Variants in TMC5 observed in about 807,000 individuals in gnomAD.
TMC5 encodes the protein transmembrane channel like 5, also known as transmembrane channel-like protein 5.
In TMC5, 86 loss-of-function variants were observed where a neutral mutation model predicts 110.5. That is an observed-to-expected ratio of 0.78 (90% CI 0.65 to 0.93). The LOEUF is 0.93. Ranked by LOEUF, TMC5 falls within the 40% of genes least tolerant of loss-of-function variation. The probability of loss-of-function intolerance (pLI) is 0.00; values close to 1 mark genes in which losing one functional copy is unlikely to be tolerated. For missense variants in TMC5, 1,144 were observed against 1,222.8 expected (o/e 0.94, Z 0.96); for synonymous variants, 455 against 439.5 (o/e 1.04, Z -0.44).
intron 2 of TMC5, among the ~76,000 whole-genome samples, chr16:19,433,049 TATAC>T (rs756603781): frequency 6.6e-6 from 1 of 152,192 alleles, no homozygotes; most frequent in African/African-American, 2.4e-5. Flanking sequence ...TATGAAGTTA[TATAC>T]ATACATACAT....
rs565205847 is a variant in TMC5 at position 19,459,748 on chromosome 16, C to T, written c.1049-487C>T. 3.3e-5 allele frequency among the ~76,000 whole-genome samples: 5 copies of T among 151,530 alleles called. No individual in the cohort carries two copies. The South Asian group carries it at 1.0e-3, about 32-fold the overall frequency. On this transcript the variant is annotated intron_variant, in intron 5 of 21. Transcript: ENST00000542583. ...CCTGGGCAATGTAGTGAGACCTCAG[C>T]TTTACAAAAAAATAAAAAAATTAGC...
intron 12 of TMC5, among the ~76,000 whole-genome samples, chr16:19,475,309 C>T (rs752852133): frequency 5.9e-5 from 9 of 151,998 alleles, no homozygotes; most frequent in Non-Finnish European, 1.3e-4. Flanking sequence ...GTAATCCCAG[C>T]TACTTGAGAG....
At chr16:19,434,020 ATATAAATC>A (rs1967250840) in intron 2 of TMC5, among the ~76,000 whole-genome samples, 1 of 6,220 alleles carries the variant, frequency 1.6e-4, no homozygotes, top group Non-Finnish European at 3.7e-4. Flanking sequence ...TATAATATAT[ATATAAATC>A]TATATATTAT....
intron 21 of TMC5, 141 bp from the exon 22 acceptor site, chr16:19,497,779 A>G (rs1183303119): frequency 2.9e-6 from 2 of 692,926 alleles, no homozygotes; most frequent in Non-Finnish European, 4.9e-6. Flanking sequence ...TGGGAGTTCA[A>G]GGGAAGGATT....
intron 4 of TMC5, among the ~76,000 whole-genome samples, chr16:19,446,099 T>A (rs879457789): frequency 4.6e-4 from 9 of 19,720 alleles, no homozygotes; most frequent in African/African-American, 7.4e-4. Flanking sequence ...TGGGGGGAGG[T>A]GGAGGGGGAG....
intron 5 of TMC5, among the ~76,000 whole-genome samples, chr16:19,459,128 G>A (rs113125745): frequency 0.012 from 1,778 of 151,538 alleles, 39 homozygotes; most frequent in African/African-American, 0.04. Flanking sequence ...CTAATGCTGT[G>A]TCACATGCCT....
chr16:19,497,879 A>T (rs1219100624), intron 21 of TMC5, 41 bp from the exon 22 acceptor site: 2 of 1,601,280 alleles, frequency 1.2e-6, no homozygotes, highest in Non-Finnish European at 1.7e-6. Flanking sequence ...GATGGGGCAG[A>T]GTGTGCCTGC....
At chr16:19,461,575 GA>G (rs137926972) in intron 6 of TMC5, among the ~76,000 whole-genome samples, 2 of 149,502 alleles carry the variant, frequency 1.3e-5, no homozygotes, top group African/African-American at 2.5e-5. Flanking sequence ...CTCTGTATCG[GA>G]AAAAAAAATA....
intron 5 of TMC5, among the ~76,000 whole-genome samples, chr16:19,458,926 C>T (rs571689752): frequency 2.6e-5 from 4 of 152,296 alleles, no homozygotes; most frequent in South Asian, 2.1e-4. Flanking sequence ...ACCCTCGGCA[C>T]GGTATCGCTG....
chr16:19,444,697 CT>C (rs1967573050), intron 4 of TMC5, among the ~76,000 whole-genome samples: 2 of 152,296 alleles, frequency 1.3e-5, no homozygotes, highest in Admixed American at 1.3e-4. Context: ...CAGTGGCCAC[CT>C]GTAGTTTAGC....
intron 3 of TMC5, among the ~76,000 whole-genome samples, chr16:19,441,528 C>T (rs904622377): frequency 1.3e-5 from 2 of 151,780 alleles, no homozygotes; most frequent in African/African-American, 4.8e-5. Flanking sequence ...GCCATGTTGC[C>T]CAGGCTAGTC....
At chr16:19,472,311 G>A (rs1312413511) in intron 11 of TMC5, 68 bp downstream of exon 11, 7 of 1,568,602 alleles carry the variant, frequency 4.5e-6, no homozygotes, top group Admixed American at 3.4e-5. Flanking sequence ...GGGGAAGGGT[G>A]GTGTGCAGCC....
intron 5 of TMC5, chr16:19,457,038 G>T: frequency 6.3e-7 from 1 of 1,576,006 alleles, no homozygotes; most frequent in South Asian, 1.1e-5. Flanking sequence ...CTGGGGAAGA[G>T]AAGTAGGGGA....
intron 15 of TMC5, among the ~76,000 whole-genome samples, chr16:19,481,985 A>G (rs1050315603): frequency 4.6e-5 from 7 of 152,216 alleles, no homozygotes; most frequent in African/African-American, 1.7e-4. Context: ...CTCACCAGAC[A>G]CTGAATCTAC....
chr16:19,427,157 A>C (rs1258956994), intron 1 of TMC5, among the ~76,000 whole-genome samples: 1 of 152,170 alleles, frequency 6.6e-6, no homozygotes, highest in Non-Finnish European at 1.5e-5. Context: ...ATAATGTTTT[A>C]AATGTTGGAG....
chr16:19,484,153 G>A (rs1177544334), intron 15 of TMC5, among the ~76,000 whole-genome samples: 3 of 151,744 alleles, frequency 2.0e-5, no homozygotes, highest in Admixed American at 6.6e-5. Context: ...AAATGAAAAC[G>A]CTTTGCAAAC....
In TMC5 at chr16:19,495,011, C is replaced by CTTTTTTTTTTTTTTT. The variant is rs56178955; in HGVS notation, c.2931+652_2931+666dup. On this transcript the variant is annotated intron_variant, in intron 20 of 21. Coordinates refer to ENST00000542583, the MANE Select transcript of TMC5 (RefSeq NM_001261841.2). Reference sequence around the variant, plus strand: ...CACTATGAATACTTCAGTGTCTATTCTTTTTTTTTTTTTTTTTTTTTGAGA... The same window carrying CTTTTTTTTTTTTTTT: ...CACTATGAATACTTCAGTGTCTATTCTTTTTTTTTTTTTTTTTTTTTTTTTTTTTTTTTTTTGAGA... 1.7e-4 allele frequency among the ~76,000 whole-genome samples: 7 copies of CTTTTTTTTTTTTTTT among 40,486 alleles called. 1 individual carries two copies. The highest frequency in any genetic ancestry group is 6.5e-4 in the African/African-American group (7 of 10,742). The allele number at this position is 40,486 out of a possible 152,430, so 26.6% of individuals were successfully genotyped here.
chr16:19,473,345 C>CAAAAAAAAAAAA lies in TMC5; in HGVS notation c.1939-755_1939-744dup, dbSNP rs35872301. ...TGGGCAACAGAGCGAGACTCCGGCT[C>CAAAAAAAAAAAA]AAAAAAAAAAAAAAAAAAAAAAAAA... On this transcript the variant is annotated intron_variant, in intron 11 of 21. Coordinates refer to ENST00000542583, the MANE Select transcript of TMC5 (RefSeq NM_001261841.2). Among the ~76,000 whole-genome samples the CAAAAAAAAAAAA allele has an allele frequency of 7.4e-4, 15 of 20,236 alleles. 5 individuals carry two copies. The highest frequency in any genetic ancestry group is 9.0e-4 in the African/African-American group (9 of 10,044). 13.3% of individuals were successfully genotyped at this position (20,236 alleles called of 152,430 possible).
At chr16:19,445,831 A>C (rs1045248786) in intron 4 of TMC5, among the ~76,000 whole-genome samples, 2 of 151,790 alleles carry the variant, frequency 1.3e-5, no homozygotes, top group African/African-American at 4.8e-5. Flanking sequence ...CTGTTAACAC[A>C]TAGAAAATTT....
Sources: allele counts gnomAD v4.1 joint callset (sites outside exome capture counted in the v4.1 genomes callset), GRCh38; gene constraint gnomAD v4.1.1; transcripts MANE v1.5; gene names NCBI Gene and HGNC (gene_info 2026-07-23, HGNC 2026-07-21).